ASPM: variants seen among roughly 807,000 people sequenced by gnomAD.
ASPM encodes the protein assembly factor for spindle microtubules, also known as abnormal spindle-like microcephaly-associated protein.
In ASPM, 256 loss-of-function variants were observed where a neutral mutation model predicts 366.4. The observed-to-expected ratio is 0.70, with a 90% CI of 0.63 to 0.77. The LOEUF is 0.77. Among genes scored for constraint, ASPM ranks in the 30% least tolerant of loss-of-function variants. The probability of loss-of-function intolerance (pLI) is 0.00; values close to 1 mark genes in which losing one functional copy is unlikely to be tolerated. For synonymous variants in ASPM, 1,414 were observed against 1,342.9 expected, an observed-to-expected ratio of 1.05 and a Z score of -1.16; for missense variants, 4,146 against 4,090.4, an observed-to-expected ratio of 1.01 and a Z score of -0.37.
chr1:197,132,303 C>A lies in ASPM; in HGVS notation c.2469G>T (p.Trp823Cys). 6.2e-7 allele frequency: 1 copy of A among 1,612,880 alleles called. No individual in the cohort carries two copies. Among genetic ancestry groups the A allele is most frequent in the Non-Finnish European group, 8.5e-7 (1 of 1,179,336 alleles). ...TGCTTACCTCTAGACCAATTCGAAG[C>A]CACAAAGGATTGTAGGACAACAGCC... ...LNWLLSYNPL[W>C]LRIGLETTYG... Residue 823 changes from tryptophan to cysteine, a missense_variant, in exon 7 of 28, where the codon TGG becomes TGT. Trp to Cys is a radical substitution (Grantham distance 215). Around this residue, in one of 3 missense-constraint regions of ASPM, gnomAD observed 3,624 missense variants for 3,591.7 expected, o/e 1.01. Coordinates refer to ENST00000367409, the MANE Select transcript of ASPM (RefSeq NM_018136.5).
At chr1:197,122,137 T>C in intron 15 of ASPM, 22 bp downstream of exon 15, 1 of 1,596,756 alleles carries the variant, frequency 6.3e-7, no homozygotes. Flanking sequence ...AATTAATAAT[T>C]AGAAACTCTT....
At chr1:197,145,085 A>G (rs1571632730) in intron 1 of ASPM, among the ~76,000 whole-genome samples, 1 of 152,190 alleles carries the variant, frequency 6.6e-6, no homozygotes, top group African/African-American at 2.4e-5. Flanking sequence ...TAGGTTCTGA[A>G]GTGTAGATAG....
In ASPM at chr1:197,104,159, A is replaced by G; in HGVS notation, c.5092T>C (p.Tyr1698His). ...AGTGCAGCTGCTCTTAAATGCAAAT[A>G]TTGTTTACGTGTTTGTTTCATCTTA... is the stretch of plus-strand genomic sequence containing the variant. ...TVKMKQTRKQ[Y>H]LHLRAAALFI... The change falls in exon 18 of 28, where the codon TAT becomes CAT. Residue 1698 changes from tyrosine (Y) to histidine (H), a missense_variant. Coordinates refer to ENST00000367409, the MANE Select transcript of ASPM (RefSeq NM_018136.5). The G allele has an allele frequency of 6.2e-7, 1 of 1,612,782 alleles. No individual in the cohort carries two copies. Among genetic ancestry groups the G allele is most frequent in the South Asian group, 1.1e-5 (1 of 91,044 alleles).
At chr1:197,117,690 C>T (rs372535530) in intron 17 of ASPM, 99 bp downstream of exon 17, 1 of 1,097,894 alleles carries the variant, frequency 9.1e-7, no homozygotes, top group South Asian at 1.5e-5. Context: ...ATAAAGAATC[C>T]TAAAATATAA....
chr1:197,132,143 A>C (rs1201855691), intron 7 of ASPM, 142 bp downstream of exon 7: 1 of 639,134 alleles, frequency 1.6e-6, no homozygotes, highest in Non-Finnish European at 2.7e-6. Flanking sequence ...CGGGTATTAC[A>C]TTTTATACTA....
chr1:197,128,343 G>A (rs80274477), intron 10 of ASPM, 147 bp downstream of exon 10: 56 of 564,822 alleles, frequency 9.9e-5, no homozygotes, highest in African/African-American at 1.5e-4. Context: ...CCACTTCCCT[G>A]AAAAAAAAAA....
In ASPM at chr1:197,121,948, T is replaced by G. The variant is rs769532850; in HGVS notation, c.3837A>C (p.Lys1279Asn). The G allele has an allele frequency of 4.3e-6, 7 of 1,611,586 alleles. No individual in the cohort carries two copies. In the South Asian group the frequency reaches 5.5e-5, roughly 13 times the overall value. Residue 1279 changes from lysine (K) to asparagine (N), a missense_variant, in exon 16 of 28, where the codon AAA (lysine) becomes AAC (asparagine). This residue lies in a region of ASPM where 3,624 missense variants were observed against 3,591.7 expected (regional missense o/e 1.01). Coordinates refer to ENST00000367409, the MANE Select transcript of ASPM (RefSeq NM_018136.5). ...AARLIQTTWR[K>N]YKLKTDLKRH... ...GTTTGAGATCTGTTTTTAGTTTATA[T>G]TTTCTCCATGTTGTTTGTATGAGTC... is the stretch of plus-strand genomic sequence containing the variant.
rs1557946782 is a variant in ASPM at position 197,103,220 on chromosome 1, T to C, written c.6031A>G (p.Arg2011Gly). The C allele has an allele frequency of 6.2e-7, 1 of 1,612,916 alleles. No individual in the cohort carries two copies. The highest frequency in any genetic ancestry group is 8.5e-7 in the Non-Finnish European group (1 of 1,179,426). The change falls in exon 18 of 28, where the codon AGA (arginine) becomes GGA (glycine). Residue 2011 changes from arginine to glycine, a missense_variant. Around this residue, in one of 3 missense-constraint regions of ASPM, gnomAD observed 3,624 missense variants for 3,591.7 expected, o/e 1.01. Transcript: ENST00000367409. ...TTCAAATATAAATGATTCTGTTCTC[T>C]TCCAATACTGTAAGCCCTATAATAC... is the stretch of plus-strand genomic sequence containing the variant. ...QKYYRAYSIG[R>G]EQNHLYLKTK...
chr1:197,117,797 G>A lies in ASPM; in HGVS notation c.4057C>T (p.Leu1353Phe). Reference sequence around the variant, plus strand: ...AGTCCAGGATACTATACCTGAATAAGTGATGCTGCTTTATTTTGAACTTTT... The same window carrying A: ...AGTCCAGGATACTATACCTGAATAAATGATGCTGCTTTATTTTGAACTTTT... The part of the protein sequence containing the change: ...LEKVQNKAAS[L>F]IQGYWRRYST... Residue 1353 changes from leucine (L) to phenylalanine (F), a missense_variant, in exon 17 of 28, where the codon CTT (leucine) becomes TTT (phenylalanine). Physicochemically the swap from Leu to Phe is conservative, Grantham distance 22. Around this residue, in one of 3 missense-constraint regions of ASPM, gnomAD observed 3,624 missense variants for 3,591.7 expected, o/e 1.01. Coordinates refer to ENST00000367409, the MANE Select transcript of ASPM (RefSeq NM_018136.5). 1 of 1,611,778 alleles carries A rather than the reference G, an allele frequency of 6.2e-7. No individual in the cohort carries two copies. Among genetic ancestry groups the A allele is most frequent in the Non-Finnish European group, 8.5e-7 (1 of 1,178,972 alleles).
At chr1:197,106,406 T>C (rs1657410239) in intron 17 of ASPM, among the ~76,000 whole-genome samples, 1 of 152,058 alleles carries the variant, frequency 6.6e-6, no homozygotes, top group Non-Finnish European at 1.5e-5. Context: ...TTGCTTTAAA[T>C]TAGGGCAAAG....
intron 27 of ASPM, among the ~76,000 whole-genome samples, chr1:197,085,363 G>A (rs1172658855): frequency 6.6e-6 from 1 of 152,022 alleles, no homozygotes; most frequent in Non-Finnish European, 1.5e-5. Flanking sequence ...CATACCCTCT[G>A]AGCTGCTTCT....
At chr1:197,120,306 A>T (rs1657867984) in intron 16 of ASPM, among the ~76,000 whole-genome samples, 1 of 151,952 alleles carries the variant, frequency 6.6e-6, no homozygotes, top group African/African-American at 2.4e-5. Flanking sequence ...AGAGTCAGGC[A>T]GATCACTTGA....
At chr1:197,121,777 A>G in intron 16 of ASPM, 138 bp downstream of exon 16, 2 of 1,116,900 alleles carry the variant, frequency 1.8e-6, no homozygotes, top group South Asian at 2.8e-5. Context: ...TCCCCAACCC[A>G]AAATACATAT....
Position 197,104,681 on chromosome 1 carries a change from A to G in ASPM, c.4570T>C (p.Tyr1524His), listed in dbSNP as rs1437463938. Residue 1524 changes from tyrosine to histidine, a missense_variant, in exon 18 of 28, where the codon TAT becomes CAT. Transcript: ENST00000367409. ...ILTIQKYYKA[Y>H]LKGKIERTNY... is the part of the protein sequence containing the mutation. The stretch of plus-strand genomic sequence containing the variant: ...GTGCGCTCAATCTTTCCTTTCAGAT[A>G]TGCTTTGTAGTACTTCTGGATGGTT... The G allele has an allele frequency of 1.2e-6, 2 of 1,613,108 alleles. No homozygotes were observed. The highest frequency in any genetic ancestry group is 1.7e-6 in the Non-Finnish European group (2 of 1,179,436).
intron 17 of ASPM, among the ~76,000 whole-genome samples, chr1:197,114,215 A>G (rs1265206618): frequency 2.0e-5 from 3 of 152,244 alleles, no homozygotes; most frequent in Admixed American, 1.3e-4. Context: ...AAAACACTAC[A>G]AGGTACATAC....
rs183041918 is a variant in ASPM, at chr1:197,105,938, T to G, written c.4066-753A>C. 1.6e-3 allele frequency among the ~76,000 whole-genome samples: 246 copies of G among 152,124 alleles called. 2 individuals carry two copies. The highest frequency in any genetic ancestry group is 5.7e-3 in the African/African-American group (235 of 41,530). The stretch of plus-strand genomic sequence containing the variant: ...GGTCCCAGGCTAATGGTAGTCAAGT[T>G]CTAGATGTTTTAGCAATAAGACCAT... On this transcript the variant is annotated intron_variant, in intron 17 of 27. Transcript: ENST00000367409.
rs41304071 is a variant in ASPM, at chr1:197,094,222, C to T, written c.8988-42G>A. On this transcript the variant is annotated intron_variant, in intron 19 of 27. Coordinates refer to ENST00000367409, the MANE Select transcript of ASPM (RefSeq NM_018136.5). ...GGAAAGCAATGTCAAATTACTTTAACTTATTCAATGAGTATTTATTGCCTC... is the reference window on the plus strand; with the variant it reads ...GGAAAGCAATGTCAAATTACTTTAATTTATTCAATGAGTATTTATTGCCTC... The T allele has an allele frequency of 0.38, 470,193 of 1,226,766 alleles. 96,553 individuals are homozygous for T. The highest frequency in any genetic ancestry group is 0.44 in the Non-Finnish European group (366,620 of 839,864). 76.0% of individuals were successfully genotyped at this position (1,226,766 alleles called of 1,614,324 possible). A position where few individuals can be genotyped will look rare whatever the true frequency, so the allele number is the denominator to read the frequency against.
In ASPM at chr1:197,100,650, C is replaced by A; in HGVS notation, c.8601G>T (p.Gln2867His). The change falls in exon 18 of 28, where the codon CAG becomes CAT. Residue 2867 changes from glutamine to histidine, a missense_variant. This residue lies in a region of ASPM where 3,624 missense variants were observed against 3,591.7 expected (regional missense o/e 1.01). Transcript: ENST00000367409. ...VQQKRAAITL[Q>H]HYFRTWQTRK... ...TGGTTTGCCACGTCCTAAAATAATG[C>A]TGTAAAGTGATAGCAGCTCTTTTCT... 6.8e-6 allele frequency: 11 copies of A among 1,612,182 alleles called. No individual in the cohort carries two copies. The highest frequency in any genetic ancestry group is 8.5e-6 in the Non-Finnish European group (10 of 1,178,922).
chr1:197,095,391 C>G (rs1305228714), intron 19 of ASPM, among the ~76,000 whole-genome samples: 1 of 151,630 alleles, frequency 6.6e-6, no homozygotes, highest in East Asian at 1.9e-4. Context: ...ATCTTTAAAA[C>G]CATCATTGAT....
Sources: allele counts gnomAD v4.1 joint callset (sites outside exome capture counted in the v4.1 genomes callset), GRCh38; gene constraint gnomAD v4.1.1; regional missense constraint gnomAD v4.1.1; transcripts MANE v1.5; gene names NCBI Gene and HGNC (gene_info 2026-07-23, HGNC 2026-07-21).